Variants in SNUPN observed in about 807,000 individuals in gnomAD.
The protein encoded by SNUPN is snurportin 1, also known as snurportin-1.
In SNUPN, 31 loss-of-function variants were observed where a neutral mutation model predicts 39.2. The observed-to-expected ratio is 0.79, with a 90% CI of 0.59 to 1.07. The LOEUF (loss-of-function observed/expected upper bound fraction) is 1.07. SNUPN is among the 50% of genes least tolerant of loss of function. The pLI, the probability that SNUPN is intolerant of heterozygous loss-of-function variation, is 0.00. For missense variants in SNUPN, 382 were observed against 434.2 expected, an observed-to-expected ratio of 0.88 and a Z score of 1.07; for synonymous variants, 132 against 159.0, an observed-to-expected ratio of 0.83 and a Z score of 1.28.
intron 3 of SNUPN, among the ~76,000 whole-genome samples, chr15:75,617,024 G>C (rs1277265556): frequency 6.6e-6 from 1 of 152,230 alleles, no homozygotes; most frequent in Non-Finnish European, 1.5e-5. Context: ...GAAGGAGTCA[G>C]TGGTAGGCTG....
upstream of SNUPN, chr15:75,626,453 A>G (rs1893228979): frequency 1.3e-5 from 2 of 152,252 alleles, no homozygotes; most frequent in South Asian, 4.1e-4. Flanking sequence ...GCCAGGGTGT[A>G]GCCTCTGCAG....
chr15:75,599,331 G>A (rs950426569), intron 8 of SNUPN, among the ~76,000 whole-genome samples: 12 of 152,330 alleles, frequency 7.9e-5, no homozygotes, highest in African/African-American at 2.9e-4. Flanking sequence ...CACACAGTGA[G>A]TAGGAAGCAG....
chr15:75,609,737 A>C (rs1378438119), intron 4 of SNUPN, 86 bp from the exon 5 acceptor site: 10 of 1,196,938 alleles, frequency 8.4e-6, no homozygotes, highest in Non-Finnish European at 1.2e-5. Flanking sequence ...ATGTTACTCG[A>C]CCAAAGATGG....
rs772258192 is a variant in SNUPN at position 75,609,615 on chromosome 15, C to T, written c.445G>A (p.Val149Ile). 6 of 1,613,500 alleles carry T rather than the reference C, an allele frequency of 3.7e-6. No individual in the cohort carries two copies. The highest frequency in any genetic ancestry group is 3.3e-5 in the South Asian group (3 of 91,038). ...TSAYTKSGYCVNRFSSLLPGG... is the reference protein window; with the variant it reads ...TSAYTKSGYCINRFSSLLPGG... ...GGCAGAAGTGAAGAAAACCTGTTGA[C>T]ACAGTAGCCACTCTTGGTGTAGGCA... is the stretch of plus-strand genomic sequence containing the variant. The change falls in exon 5 of 9, where the codon GTC becomes ATC. Residue 149 changes from valine (V) to isoleucine (I), a missense_variant. Transcript: ENST00000308588.
chr15:75,619,193 G>A (rs1893009175), intron 2 of SNUPN, among the ~76,000 whole-genome samples: 1 of 151,770 alleles, frequency 6.6e-6, no homozygotes, highest in Non-Finnish European at 1.5e-5. Context: ...TTAGCTGGGT[G>A]TGGTGGCCTG....
At chr15:75,611,395 GTC>G (rs951078367) in intron 3 of SNUPN, among the ~76,000 whole-genome samples, 1 of 150,344 alleles carries the variant, frequency 6.7e-6, no homozygotes, top group Non-Finnish European at 1.5e-5. Context: ...TGGGACTACA[GTC>G]ACCCGCCACT....
chr15:75,610,780 CG>C (rs1567555009), intron 3 of SNUPN, among the ~76,000 whole-genome samples: 3 of 152,138 alleles, frequency 2.0e-5, no homozygotes, highest in Non-Finnish European at 2.9e-5. Flanking sequence ...TCTTAAAAAA[CG>C]AAACAACGCC....
intron 4 of SNUPN, 23 bp downstream of exon 4, chr15:75,609,867 A>T (rs1892733889): frequency 6.4e-7 from 1 of 1,558,850 alleles, no homozygotes; most frequent in Admixed American, 1.7e-5. Flanking sequence ...GCCTACTGGC[A>T]TAGGGGGCAG....
At chr15:75,599,061 C>T (rs560960634) in intron 8 of SNUPN, among the ~76,000 whole-genome samples, 7 of 151,770 alleles carry the variant, frequency 4.6e-5, no homozygotes, top group East Asian at 1.9e-4. Flanking sequence ...CCCAGCTACT[C>T]GGGTGTCTGA....
intron 4 of SNUPN, 46 bp downstream of exon 4, chr15:75,609,844 C>T (rs2141368603): frequency 1.4e-6 from 2 of 1,447,666 alleles, no homozygotes. Context: ...GAATCCCTCC[C>T]ACTACAGACC....
At chr15:75,624,794 CAG>C (rs1893176768) in intron 1 of SNUPN, 1 of 1,227,504 alleles carries the variant, frequency 8.1e-7, no homozygotes, top group Non-Finnish European at 1.1e-6. Flanking sequence ...TTTTTTGAGA[CAG>C]AGTTTCGCTC....
In SNUPN at chr15:75,601,180, G is replaced by A. The variant is rs77007267; in HGVS notation, c.717C>T (p.Pro239=). The change falls in exon 8 of 9, where the codon CCC becomes CCT. Residue 239 remains proline, a synonymous_variant. Coordinates refer to ENST00000308588, the MANE Select transcript of SNUPN (RefSeq NM_005701.4). ...TAGATAGCACATCACACAGGCTTTC[G>A]GGAGTGCAAGGGAAGTTCTTTAGCC... is the stretch of plus-strand genomic sequence containing the variant. ...FVGLKNFPCT[P]ESLCDVLSMD... is the part of the protein sequence containing the mutation. 1.4e-4 allele frequency: 222 copies of A among 1,613,616 alleles called. No individual in the cohort carries two copies. In the East Asian group the frequency reaches 1.5e-3, roughly 11 times the overall value.
At chr15:75,606,868 T>C (rs2075334895) in intron 6 of SNUPN, among the ~76,000 whole-genome samples, 1 of 152,028 alleles carries the variant, frequency 6.6e-6, no homozygotes, top group Non-Finnish European at 1.5e-5. Flanking sequence ...CAAGGTGGCA[T>C]CCCCACCCCC....
chr15:75,625,377 A>C (rs1164147751), intron 1 of SNUPN: 2 of 150,174 alleles, frequency 1.3e-5, no homozygotes, highest in Non-Finnish European at 3.0e-5. Flanking sequence ...TATCTGCTTC[A>C]CTCGGCCGTG....
At chr15:75,614,854 G>A (rs1360725465) in intron 3 of SNUPN, among the ~76,000 whole-genome samples, 1 of 152,134 alleles carries the variant, frequency 6.6e-6, no homozygotes, top group East Asian at 1.9e-4. Flanking sequence ...AGGTATTTAA[G>A]GCATATTATT....
chr15:75,624,065 CT>C (rs1442271531), intron 1 of SNUPN, among the ~76,000 whole-genome samples: 1 of 147,154 alleles, frequency 6.8e-6, no homozygotes, highest in Non-Finnish European at 1.5e-5. Context: ...GTAGCTGGGA[CT>C]ACAGGCGCCC....
intron 3 of SNUPN, among the ~76,000 whole-genome samples, chr15:75,611,505 G>GC (rs1892780912): frequency 6.6e-6 from 1 of 151,506 alleles, no homozygotes; most frequent in African/African-American, 2.4e-5. Flanking sequence ...GCCCGCCTCG[G>GC]CCCCCCAAAG....
chr15:75,602,604 G>C (rs573711682), intron 7 of SNUPN, among the ~76,000 whole-genome samples: 4 of 151,730 alleles, frequency 2.6e-5, no homozygotes, highest in African/African-American at 2.4e-5. Context: ...GTGGGATCCA[G>C]GTTTTTTGTT....
In SNUPN at chr15:75,601,182, G is replaced by A. The variant is rs370320624; in HGVS notation, c.715C>T (p.Pro239Ser). ...GATAGCACATCACACAGGCTTTCGGGAGTGCAAGGGAAGTTCTTTAGCCCC... is the reference window on the plus strand; with the variant it reads ...GATAGCACATCACACAGGCTTTCGGAAGTGCAAGGGAAGTTCTTTAGCCCC... ...FVGLKNFPCT[P>S]ESLCDVLSMD... The change falls in exon 8 of 9, where the codon CCC becomes TCC. Residue 239 changes from proline to serine, a missense_variant. By Grantham distance (74) the Pro-to-Ser change is moderately conservative. Transcript: ENST00000308588. The A allele has an allele frequency of 3.1e-6, 5 of 1,613,656 alleles. No homozygotes were observed. The highest frequency in any genetic ancestry group is 2.7e-5 in the African/African-American group (2 of 74,916).
Sources: allele counts gnomAD v4.1 joint callset (sites outside exome capture counted in the v4.1 genomes callset), GRCh38; gene constraint gnomAD v4.1.1; transcripts MANE v1.5; gene names NCBI Gene and HGNC (gene_info 2026-07-23, HGNC 2026-07-21).